Variants in LRMDA observed in about 807,000 individuals in gnomAD.
LRMDA encodes the protein leucine-rich melanocyte differentiation-associated protein.
LRMDA carries 18 observed loss-of-function variants against 29.8 expected under a neutral mutation model. The ratio of observed to expected loss-of-function variants is 0.60; its 90% CI spans 0.42 to 0.90. The LOEUF is 0.90. LRMDA is among the 40% of genes least tolerant of loss of function. The probability of loss-of-function intolerance (pLI) is 0.00; values close to 1 mark genes in which losing one functional copy is unlikely to be tolerated. For synonymous variants in LRMDA, 125 were observed against 109.4 expected (o/e 1.14, Z -0.89); for missense variants, 273 against 273.9 (o/e 1.00, Z 0.02).
intron 2 of LRMDA, among the ~76,000 whole-genome samples, chr10:75,706,840 A>G (rs936059715): frequency 2.0e-5 from 3 of 150,136 alleles, no homozygotes; most frequent in African/African-American, 7.4e-5. Context: ...CCACCCTGCC[A>G]TGCACCCTTT....
intron 4 of LRMDA, among the ~76,000 whole-genome samples, chr10:76,057,827 C>G (rs1848640901): frequency 6.6e-6 from 1 of 152,202 alleles, no homozygotes. Flanking sequence ...GTGATTGTCC[C>G]TGACGAGGGA....
At chr10:75,654,943 TA>T (rs1435561809) in intron 2 of LRMDA, among the ~76,000 whole-genome samples, 1 of 152,256 alleles carries the variant, frequency 6.6e-6, no homozygotes, top group Non-Finnish European at 1.5e-5. Flanking sequence ...CTCTAGTTTT[TA>T]TGGACTTCTT....
intron 6 of LRMDA, among the ~76,000 whole-genome samples, chr10:76,544,184 A>G (rs1843391495): frequency 6.6e-6 from 1 of 152,110 alleles, no homozygotes; most frequent in South Asian, 2.1e-4. Context: ...TACGCTGTTA[A>G]TTTGTGTTGC....
chr10:75,939,620 C>A (rs1249573470), intron 2 of LRMDA, among the ~76,000 whole-genome samples: 6 of 152,088 alleles, frequency 3.9e-5, no homozygotes, highest in Admixed American at 1.3e-4. Flanking sequence ...GTTGATAAAA[C>A]CTAGAGAGGT....
chr10:76,507,042 AATTC>A (rs1842966007), intron 6 of LRMDA, among the ~76,000 whole-genome samples: 2 of 152,028 alleles, frequency 1.3e-5, no homozygotes, highest in East Asian at 3.9e-4. Flanking sequence ...TGGCTGTGCT[AATTC>A]TAATTCCCAC....
intron 5 of LRMDA, among the ~76,000 whole-genome samples, chr10:76,132,966 C>CTCTTTTTTTTTTTTTTTTTT (rs1850023070): frequency 1.7e-5 from 1 of 57,372 alleles, no homozygotes; most frequent in Non-Finnish European, 3.1e-5. Flanking sequence ...CCACGCCCGG[C>CTCTTTTTTTTTTTTTTTTTT]TTTTTTTTTT....
At chr10:76,191,106 T>A (rs1851237187) in intron 5 of LRMDA, among the ~76,000 whole-genome samples, 1 of 152,212 alleles carries the variant, frequency 6.6e-6, no homozygotes, top group African/African-American at 2.4e-5. Context: ...CTGTTGTGAC[T>A]AGTTCTCTGT....
At chr10:76,176,565 G>A (rs1221647858) in intron 5 of LRMDA, among the ~76,000 whole-genome samples, 3 of 152,314 alleles carry the variant, frequency 2.0e-5, no homozygotes, top group Non-Finnish European at 2.9e-5. Context: ...AGATTGAGGC[G>A]GGCGGATCAC....
chr10:76,540,417 G>GC (rs1843341064), intron 6 of LRMDA, among the ~76,000 whole-genome samples: 1 of 152,148 alleles, frequency 6.6e-6, no homozygotes, highest in African/African-American at 2.4e-5. Flanking sequence ...CTTTCACAAA[G>GC]CCTCTAAAAT....
At chr10:75,593,728 T>G (rs1271545925) in intron 2 of LRMDA, among the ~76,000 whole-genome samples, 6 of 152,196 alleles carry the variant, frequency 3.9e-5, no homozygotes, top group African/African-American at 1.4e-4. Context: ...AATTTACTGA[T>G]TCCATGGAAG....
intron 2 of LRMDA, among the ~76,000 whole-genome samples, chr10:75,613,116 ATT>A (rs5786181): frequency 9.4e-5 from 14 of 148,704 alleles, no homozygotes; most frequent in African/African-American, 2.9e-4. Context: ...AACCTTGCCA[ATT>A]TTTTTTTTTT....
chr10:75,964,802 C>G (rs1175245963), intron 2 of LRMDA, among the ~76,000 whole-genome samples: 15 of 152,202 alleles, frequency 9.9e-5, no homozygotes, highest in Non-Finnish European at 1.5e-4. Context: ...GGGTCTCACT[C>G]TGTCACCCAG....
chr10:75,897,339 C>T lies in LRMDA; in HGVS notation c.132-138669C>T, dbSNP rs546460786. On this transcript the variant is annotated intron_variant, in intron 2 of 6. Transcript: ENST00000611255. ...TTAACATTACAGGTTTCTTGCCTTTCATTTTCTAATCAAGATCATAGTCTA... is the reference window on the plus strand; with the variant it reads ...TTAACATTACAGGTTTCTTGCCTTTTATTTTCTAATCAAGATCATAGTCTA... 3.9e-5 allele frequency among the ~76,000 whole-genome samples: 6 copies of T among 152,288 alleles called. No individual in the cohort carries two copies. The South Asian group carries it at 1.2e-3, about 32-fold the overall frequency.
intron 2 of LRMDA, among the ~76,000 whole-genome samples, chr10:75,596,087 TG>T (rs1840784207): frequency 6.6e-6 from 1 of 152,208 alleles, no homozygotes; most frequent in Non-Finnish European, 1.5e-5. Context: ...GTATTATCTA[TG>T]TGAATGAATA....
At position 76,342,919 on chromosome 10, in the gene LRMDA, G is replaced by GTATTACCAAAAATACTAT. The variant is rs536146760; in HGVS notation, c.601+18434_601+18435insTATTACCAAAAATACTAT. 6.5e-3 allele frequency among the ~76,000 whole-genome samples: 990 copies of GTATTACCAAAAATACTAT among 152,270 alleles called. 3 individuals are homozygous for GTATTACCAAAAATACTAT. The highest frequency in any genetic ancestry group is 0.01 in the Middle Eastern group (3 of 294). ...TACAAGGAAATTTTACCAAACATTA[G>GTATTACCAAAAATACTAT]AAGAGTAGATACTTATAGTATTCTG... On this transcript the variant is annotated intron_variant, in intron 6 of 6. Transcript: ENST00000611255.
At chr10:75,629,872 G>C (rs1366514530) in intron 2 of LRMDA, among the ~76,000 whole-genome samples, 2 of 152,076 alleles carry the variant, frequency 1.3e-5, no homozygotes, top group Admixed American at 6.6e-5. Flanking sequence ...TTCAGTAATA[G>C]ACCTCTGCTG....
intron 2 of LRMDA, among the ~76,000 whole-genome samples, chr10:75,973,057 G>C (rs1348666386): frequency 6.8e-6 from 1 of 147,882 alleles, no homozygotes; most frequent in Non-Finnish European, 1.5e-5. Flanking sequence ...AGCAGCAGCA[G>C]CAGCAGCAGC....
At chr10:75,782,912 A>G (rs1843409689) in intron 2 of LRMDA, 1 of 1,610,028 alleles carries the variant, frequency 6.2e-7, no homozygotes, top group Admixed American at 1.7e-5. Context: ...CCTCTTGCCA[A>G]CAGTGGCATC....
intron 2 of LRMDA, among the ~76,000 whole-genome samples, chr10:75,855,711 G>A (rs1053335437): frequency 3.3e-5 from 5 of 152,192 alleles, no homozygotes; most frequent in Non-Finnish European, 5.9e-5. Flanking sequence ...TAACATTTAA[G>A]TCTTTAATCC....
Sources: allele counts gnomAD v4.1 joint callset (sites outside exome capture counted in the v4.1 genomes callset), GRCh38; gene constraint gnomAD v4.1.1; transcripts MANE v1.5; gene names NCBI Gene and HGNC (gene_info 2026-07-23, HGNC 2026-07-21).